The following ZCWPW2 variants were observed in gnomAD, a reference collection of about 807,000 sequenced individuals.
ZCWPW2 encodes the protein zinc finger CW-type PWWP domain protein 2.
ZCWPW2 carries 45 observed loss-of-function variants against 46.6 expected under a neutral mutation model. That is an observed-to-expected ratio of 0.96 (90% CI 0.76 to 1.24). The LOEUF is 1.24. Ranked by LOEUF, ZCWPW2 falls within the 50% of genes most tolerant of loss-of-function variation. ZCWPW2 has a pLI of 0.00. For missense variants in ZCWPW2, 429 were observed against 403.9 expected, an observed-to-expected ratio of 1.06 and a Z score of -0.53; for synonymous variants, 152 against 137.1, an observed-to-expected ratio of 1.11 and a Z score of -0.76.
At chr3:28,474,756 A>G (rs2125800736) in intron 4 of ZCWPW2, among the ~76,000 whole-genome samples, 1 of 152,212 alleles carries the variant, frequency 6.6e-6, no homozygotes, top group Non-Finnish European at 1.5e-5. Flanking sequence ...TGTCATAATT[A>G]TCTTCCTCTT....
intron 5 of ZCWPW2, 31 bp downstream of exon 5, chr3:28,478,962 A>G: frequency 7.2e-7 from 1 of 1,382,390 alleles, no homozygotes. Flanking sequence ...TATTACTCTG[A>G]AATAAGGATT....
At chr3:28,391,019 G>A (rs1043985679) in intron 2 of ZCWPW2, among the ~76,000 whole-genome samples, 3 of 152,098 alleles carry the variant, frequency 2.0e-5, no homozygotes, top group Admixed American at 2.0e-4. Flanking sequence ...CCCCAGATAG[G>A]GATTGAAGGT....
chr3:28,444,843 T>C (rs1332744276), intron 4 of ZCWPW2, among the ~76,000 whole-genome samples: 1 of 152,144 alleles, frequency 6.6e-6, no homozygotes. Flanking sequence ...TCTCCAGATA[T>C]GGTCAAACGT....
chr3:28,407,447 A>G (rs1221724911), intron 2 of ZCWPW2, among the ~76,000 whole-genome samples: 1 of 152,196 alleles, frequency 6.6e-6, no homozygotes, highest in African/African-American at 2.4e-5. Context: ...GTTTAAAGTC[A>G]TCCATTTATT....
At chr3:28,385,717 A>G (rs751332496) in intron 1 of ZCWPW2, among the ~76,000 whole-genome samples, 4 of 152,168 alleles carry the variant, frequency 2.6e-5, no homozygotes, top group African/African-American at 9.6e-5. Flanking sequence ...GTAGGACATC[A>G]TATCTTTGGG....
chr3:28,499,960 GT>G (rs1700096600), intron 6 of ZCWPW2, among the ~76,000 whole-genome samples: 1 of 151,856 alleles, frequency 6.6e-6, no homozygotes, highest in South Asian at 2.1e-4. Context: ...GGATTTCAGT[GT>G]TTTTTTGACA....
chr3:28,412,239 T>C (rs957674290), intron 2 of ZCWPW2, among the ~76,000 whole-genome samples: 1 of 151,746 alleles, frequency 6.6e-6, no homozygotes, highest in Non-Finnish European at 1.5e-5. Flanking sequence ...TACTATATAC[T>C]TTTTTATTGA....
intron 1 of ZCWPW2, among the ~76,000 whole-genome samples, chr3:28,373,732 C>T (rs1443560026): frequency 3.3e-5 from 5 of 152,094 alleles, no homozygotes; most frequent in Non-Finnish European, 5.9e-5. Flanking sequence ...CTTTCACCCT[C>T]CCAAAGTGTT....
intron 3 of ZCWPW2, among the ~76,000 whole-genome samples, chr3:28,432,133 G>C (rs1002463301): frequency 6.6e-6 from 1 of 152,164 alleles, no homozygotes; most frequent in South Asian, 2.1e-4. Context: ...TTCAAGATGA[G>C]ATTTGGGTGG....
intron 2 of ZCWPW2, among the ~76,000 whole-genome samples, chr3:28,395,981 A>C (rs1248840606): frequency 6.6e-6 from 1 of 152,166 alleles, no homozygotes; most frequent in African/African-American, 2.4e-5. Context: ...TCTATGTCAA[A>C]ACATCATGTT....
At chr3:28,353,597 A>G (rs929732797) in intron 1 of ZCWPW2, among the ~76,000 whole-genome samples, 2 of 152,258 alleles carry the variant, frequency 1.3e-5, no homozygotes, top group Non-Finnish European at 2.9e-5. Flanking sequence ...TGTCCTAGAC[A>G]TACAATCTGT....
intron 3 of ZCWPW2, among the ~76,000 whole-genome samples, chr3:28,425,210 T>G (rs996435705): frequency 6.6e-6 from 1 of 152,218 alleles, no homozygotes; most frequent in Admixed American, 6.5e-5. Context: ...AAAAATAAGC[T>G]GTATCTACCT....
At chr3:28,423,031 C>T (rs1032820244) in intron 3 of ZCWPW2, among the ~76,000 whole-genome samples, 17 of 151,904 alleles carry the variant, frequency 1.1e-4, no homozygotes, top group Admixed American at 6.6e-4. Context: ...AGATATTTTG[C>T]GCATTTTAAA....
At chr3:28,466,725 G>C (rs1322251559) in intron 4 of ZCWPW2, among the ~76,000 whole-genome samples, 1 of 152,118 alleles carries the variant, frequency 6.6e-6, no homozygotes, top group African/African-American at 2.4e-5. Flanking sequence ...CTTGAACCCA[G>C]GAGGTGGAAG....
chr3:28,356,965 G>T (rs1332241049), intron 1 of ZCWPW2, among the ~76,000 whole-genome samples: 2 of 151,692 alleles, frequency 1.3e-5, no homozygotes, highest in Non-Finnish European at 2.9e-5. Flanking sequence ...TAACAAACCT[G>T]CACGTTGTGC....
intron 5 of ZCWPW2, 52 bp from the exon 6 acceptor site, chr3:28,492,075 G>T: frequency 6.5e-7 from 1 of 1,546,244 alleles, no homozygotes; most frequent in South Asian, 1.2e-5. Context: ...GTATTTATTT[G>T]AACAGGAACA....
chr3:28,413,662 C>A (rs1218859523), intron 3 of ZCWPW2, among the ~76,000 whole-genome samples: 1 of 152,018 alleles, frequency 6.6e-6, no homozygotes, highest in Non-Finnish European at 1.5e-5. Flanking sequence ...CTTCCTCCTA[C>A]AAATTTTGAT....
intron 4 of ZCWPW2, chr3:28,447,686 A>G (rs1042728245): frequency 2.3e-6 from 1 of 440,158 alleles, no homozygotes; most frequent in Non-Finnish European, 4.4e-6. Context: ...GAAATAAAAG[A>G]TATCTAGCTT....
chr3:28,425,238 T>C (rs747588129), intron 3 of ZCWPW2, among the ~76,000 whole-genome samples: 46 of 152,094 alleles, frequency 3.0e-4, no homozygotes, highest in Admixed American at 1.3e-3. Flanking sequence ...TACTGGAGAG[T>C]AGAATGCATC....
Sources: gnomAD v4.1 joint callset for allele counts (sites outside exome capture counted in the v4.1 genomes callset) on GRCh38, gnomAD v4.1.1 for gene constraint, MANE v1.5 for transcripts, NCBI Gene and HGNC (gene_info 2026-07-23, HGNC 2026-07-21) for gene names.